Variants in NUDT6 observed in about 807,000 individuals in gnomAD.
The protein encoded by NUDT6 is nudix hydrolase 6.
A neutral mutation model predicts 36.8 loss-of-function variants in NUDT6; 24 were observed. The ratio of observed to expected loss-of-function variants is 0.65; its 90% CI spans 0.47 to 0.92. The LOEUF (loss-of-function observed/expected upper bound fraction) is 0.92, where lower values mean the gene tolerates loss of function less well. Among genes scored for constraint, NUDT6 ranks in the 40% least tolerant of loss-of-function variants. The pLI, the probability that NUDT6 is intolerant of heterozygous loss-of-function variation, is 0.00. For missense variants in NUDT6, 388 were observed against 392.8 expected, an observed-to-expected ratio of 0.99 and a Z score of 0.10; for synonymous variants, 163 against 157.0, an observed-to-expected ratio of 1.04 and a Z score of -0.29.
At chr4:122,908,962 T>C (rs1193047217) in intron 3 of NUDT6, among the ~76,000 whole-genome samples, 2 of 152,204 alleles carry the variant, frequency 1.3e-5, no homozygotes, top group Non-Finnish European at 2.9e-5. Context: ...ACAGTCTTTA[T>C]TTGGGTCTTC....
intron 1 of NUDT6, 98 bp from the exon 2 acceptor site, chr4:122,917,802 T>C: frequency 1.8e-6 from 2 of 1,106,122 alleles, no homozygotes; most frequent in Non-Finnish European, 1.3e-6. Flanking sequence ...GAAACCATCT[T>C]TAAGCAAAAG....
At chr4:122,919,343 A>C (rs1727919238) in intron 1 of NUDT6, 1 of 152,344 alleles carries the variant, frequency 6.6e-6, no homozygotes, top group South Asian at 2.1e-4. Flanking sequence ...CAGCCTCCCA[A>C]GTAGCTGGAA....
chr4:122,922,448 C>T lies in NUDT6; in HGVS notation c.125G>A (p.Gly42Glu), dbSNP rs755557306. ...CAGCTCGCCCTGCAGATCGCACGCT[C>T]CAACTGGCGGATTCCGCACGTAACC... is the stretch of plus-strand genomic sequence containing the variant. The part of the protein sequence containing the change: ...AQGYVRNPPV[G>E]ACDLQGELDR... The change falls in exon 1 of 5, where the codon GGA becomes GAA. Residue 42 changes from glycine (G) to glutamate (E), a missense_variant. Transcript: ENST00000304430. The T allele has an allele frequency of 1.2e-6, 2 of 1,612,250 alleles. No homozygotes were observed. Among genetic ancestry groups the T allele is most frequent in the Non-Finnish European group, 1.7e-6 (2 of 1,179,880 alleles).
At chr4:122,918,376 A>G (rs1727896186) in intron 1 of NUDT6, 1 of 152,214 alleles carries the variant, frequency 6.6e-6, no homozygotes, top group Non-Finnish European at 1.5e-5. Context: ...AAAGATGCTA[A>G]TATCTATTTG....
Position 122,893,159 on chromosome 4 carries a change from C to G in NUDT6, c.620G>C (p.Ser207Thr), listed in dbSNP as rs1442589239. ...GIKSEFRSVL[S>T]IRQQHTNPGA... is the part of the protein sequence containing the mutation. ...AGGATTTGTGTGCTGTTGCCGAATA[C>G]TCAGGACGGACCTGAATTCTGATTT... Residue 207 changes from serine to threonine, a missense_variant, in exon 5 of 5, where the codon AGT becomes ACT. Physicochemically the swap from Ser to Thr is moderately conservative, Grantham distance 58. Transcript: ENST00000304430. 6.2e-7 allele frequency: 1 copy of G among 1,614,152 alleles called. No homozygotes were observed. The highest frequency in any genetic ancestry group is 1.7e-5 in the Admixed American group (1 of 60,020).
intron 4 of NUDT6, chr4:122,895,044 G>C (rs915003139): frequency 1.3e-5 from 2 of 152,318 alleles, no homozygotes; most frequent in East Asian, 3.9e-4. Context: ...CACTGCCTGA[G>C]TAGTTTTGAT....
chr4:122,913,344 T>C (rs1355915902), intron 2 of NUDT6: 1 of 152,166 alleles, frequency 6.6e-6, no homozygotes, highest in Non-Finnish European at 1.5e-5. Flanking sequence ...TAGGCCTCTT[T>C]CATAAGGACA....
intron 3 of NUDT6, among the ~76,000 whole-genome samples, chr4:122,906,865 G>A (rs1190192885): frequency 6.6e-6 from 1 of 152,126 alleles, no homozygotes; most frequent in Non-Finnish European, 1.5e-5. Flanking sequence ...CATCCTTACT[G>A]CTCATTATAT....
chr4:122,894,611 A>G (rs1727293946), intron 4 of NUDT6: 1 of 151,786 alleles, frequency 6.6e-6, no homozygotes, highest in Non-Finnish European at 1.5e-5. Flanking sequence ...TTTCCTTAAT[A>G]AGAAAAGTAA....
intron 3 of NUDT6, among the ~76,000 whole-genome samples, chr4:122,909,264 A>T (rs1283982907): frequency 6.6e-6 from 1 of 152,094 alleles, no homozygotes; most frequent in Admixed American, 6.5e-5. Flanking sequence ...TAGTGAAAAG[A>T]TTACCCTATA....
intron 3 of NUDT6, among the ~76,000 whole-genome samples, chr4:122,903,010 A>G (rs1727554444): frequency 6.6e-6 from 1 of 152,190 alleles, no homozygotes; most frequent in South Asian, 2.1e-4. Flanking sequence ...TATAATCTAC[A>G]TCTAATTTAT....
In NUDT6 at chr4:122,897,633, C is replaced by T; in HGVS notation, c.544G>A (p.Glu182Lys). The stretch of plus-strand genomic sequence containing the variant: ...TATAAAAGATACACACCAATATCTT[C>T]TTCAGGCTCTGACAGGCCTCCTGGA... ...KFPGGLSEPE[E>K]DIGDTAVREV... Residue 182 changes from glutamate (E) to lysine (K), a missense_variant, in exon 4 of 5, where the codon GAA becomes AAA. Transcript: ENST00000304430. The T allele has an allele frequency of 6.2e-7, 1 of 1,605,216 alleles. No individual in the cohort carries two copies. The highest frequency in any genetic ancestry group is 1.1e-5 in the South Asian group (1 of 90,902).
intron 3 of NUDT6, among the ~76,000 whole-genome samples, chr4:122,902,515 C>G (rs1470816446): frequency 1.3e-5 from 2 of 152,264 alleles, no homozygotes; most frequent in East Asian, 3.9e-4. Flanking sequence ...AATAACACAT[C>G]TCCACCTTAT....
chr4:122,902,797 G>C (rs943596057), intron 3 of NUDT6, among the ~76,000 whole-genome samples: 1 of 152,256 alleles, frequency 6.6e-6, no homozygotes. Context: ...TGTGTGTAGG[G>C]AAAGAGAAAG....
In NUDT6 at chr4:122,898,394, T is replaced by C. The variant is rs112641163; in HGVS notation, c.499-716A>G. Reference sequence around the variant, plus strand: ...ACAATATTCTTATGGCTGACATGATTACTTTTCTTCCTGTTAGAGTTCTAT... The same window carrying C: ...ACAATATTCTTATGGCTGACATGATCACTTTTCTTCCTGTTAGAGTTCTAT... On this transcript the variant is annotated intron_variant, in intron 3 of 4. Coordinates refer to ENST00000304430, the MANE Select transcript of NUDT6 (RefSeq NM_007083.5). Among the ~76,000 whole-genome samples the C allele has an allele frequency of 3.6e-3, 544 of 152,330 alleles. 3 individuals carry two copies. Among genetic ancestry groups the C allele is most frequent in the South Asian group, 8.7e-3 (42 of 4,818 alleles).
At chr4:122,917,420 C>A in intron 2 of NUDT6, 81 bp downstream of exon 2, 1 of 1,134,618 alleles carries the variant, frequency 8.8e-7, no homozygotes, top group Non-Finnish European at 1.3e-6. Context: ...CATGAATAAA[C>A]TATTTGCTTA....
rs769196837 is a variant in NUDT6, at chr4:122,892,861, T to C, written c.918A>G (p.Pro306=). ...LFYKLYHKEL[P]ENYKTMKGID is the part of the protein sequence containing the mutation. ...TTCCTTTCATAGTTTTATAATTCTC[T>C]GGCAGTTCCTTATGATAGAGTTTAT... The change falls in exon 5 of 5, where the codon CCA becomes CCG. Residue 306 remains proline (P), a synonymous_variant. Coordinates refer to ENST00000304430, the MANE Select transcript of NUDT6 (RefSeq NM_007083.5). 1.9e-6 allele frequency: 3 copies of C among 1,607,962 alleles called. No individual in the cohort carries two copies. Among genetic ancestry groups the C allele is most frequent in the Admixed American group, 3.4e-5 (2 of 59,368 alleles).
Position 122,892,963 on chromosome 4 carries a change from C to T in NUDT6, c.816G>A (p.Leu272=). The T allele has an allele frequency of 1.2e-6, 2 of 1,614,198 alleles. No individual in the cohort carries two copies. Among genetic ancestry groups the T allele is most frequent in the Non-Finnish European group, 1.7e-6 (2 of 1,180,034 alleles). ...TGTCAAACCCTTCTCTGTACCCATA[C>T]AGCAGCAGCCTAGCAACTCTGCTGG... The part of the protein sequence containing the change: ...PITSRVARLL[L]YGYREGFDKI... Residue 272 remains leucine, a synonymous_variant, in exon 5 of 5, where the codon CTG becomes CTA. Coordinates refer to ENST00000304430, the MANE Select transcript of NUDT6 (RefSeq NM_007083.5).
At chr4:122,917,739 A>G in intron 1 of NUDT6, 35 bp from the exon 2 acceptor site, 1 of 1,597,542 alleles carries the variant, frequency 6.3e-7, no homozygotes, top group Non-Finnish European at 8.6e-7. Flanking sequence ...AATAATTTCC[A>G]AAGAGACGAG....
Sources: allele counts gnomAD v4.1 joint callset (sites outside exome capture counted in the v4.1 genomes callset), GRCh38; gene constraint gnomAD v4.1.1; transcripts MANE v1.5; gene names NCBI Gene and HGNC (gene_info 2026-07-23, HGNC 2026-07-21).